CCT6B: variants seen among roughly 807,000 people sequenced by gnomAD.
CCT6B encodes the protein probable T-complex protein 1 subunit zeta-2.
Under a neutral mutation model 61.5 loss-of-function variants are expected in CCT6B, and 49 were observed. That is an observed-to-expected ratio of 0.80 (90% CI 0.63 to 1.01). The LOEUF (loss-of-function observed/expected upper bound fraction) is 1.01, where lower values mean the gene tolerates loss of function less well. Ranked by LOEUF, CCT6B falls within the 50% of genes least tolerant of loss-of-function variation. CCT6B has a pLI of 0.00. For missense variants in CCT6B, 666 were observed against 634.7 expected, an observed-to-expected ratio of 1.05 and a Z score of -0.53; for synonymous variants, 228 against 214.5, an observed-to-expected ratio of 1.06 and a Z score of -0.55.
At chr17:34,940,808 A>G (rs924375515) in intron 7 of CCT6B, among the ~76,000 whole-genome samples, 187 bp from the exon 8 acceptor site, 1 of 152,108 alleles carries the variant, frequency 6.6e-6, no homozygotes, top group Non-Finnish European at 1.5e-5. Context: ...TTATTAATTC[A>G]TTTAAATAAT....
intron 10 of CCT6B, among the ~76,000 whole-genome samples, chr17:34,936,053 C>G (rs1246366705): frequency 6.6e-6 from 1 of 152,096 alleles, no homozygotes; most frequent in Non-Finnish European, 1.5e-5. Flanking sequence ...CAGGTTCAAG[C>G]AATTCTCCTG....
intron 4 of CCT6B, among the ~76,000 whole-genome samples, chr17:34,953,970 G>A (rs1271739629): frequency 6.6e-6 from 1 of 151,906 alleles, no homozygotes; most frequent in Non-Finnish European, 1.5e-5. Context: ...ATTAATAAAA[G>A]AAATAAACTA....
In CCT6B at chr17:34,932,487, A is replaced by G; in HGVS notation, c.1227T>C (p.Pro409=). 6.2e-7 allele frequency: 1 copy of G among 1,610,682 alleles called. No individual in the cohort carries two copies. The highest frequency in any genetic ancestry group is 8.5e-7 in the Non-Finnish European group (1 of 1,178,782). The change falls in exon 11 of 14, where the codon CCT becomes CCC. Residue 409 remains proline, a synonymous_variant. Transcript: ENST00000314144. ...TTGCCACTTCAATTGCACCAGCTCC[A>G]GGAACCATACAACCTATTGGAGAGA... ...KNAIEDGCMV[P]GAGAIEVAMA...
rs1259580359 is a variant in CCT6B at position 34,942,852 on chromosome 17, C to T, written c.669G>A (p.Lys223=). The change falls in exon 6 of 14, where the codon AAG becomes AAA. Residue 223 remains lysine, a synonymous_variant. Coordinates refer to ENST00000314144, the MANE Select transcript of CCT6B (RefSeq NM_006584.4). The part of the protein sequence containing the change: ...DHGARHPDMK[K]RVEDAFILIC... The stretch of plus-strand genomic sequence containing the variant: ...TAAGGATAAATGCATCTTCTACTCG[C>T]TTCTTCATATCTGGATGACGGGCAC... 1 of 1,611,760 alleles carries T rather than the reference C, an allele frequency of 6.2e-7. No homozygotes were observed. Among genetic ancestry groups the T allele is most frequent in the African/African-American group, 1.3e-5 (1 of 74,864 alleles).
At chr17:34,934,508 C>T (rs2142139254) in intron 10 of CCT6B, among the ~76,000 whole-genome samples, 1 of 152,214 alleles carries the variant, frequency 6.6e-6, no homozygotes, top group African/African-American at 2.4e-5. Context: ...TTTACCAAAA[C>T]AGGCAGCAAA....
chr17:34,929,477 TTTTTG>T (rs1413499652), intron 12 of CCT6B, among the ~76,000 whole-genome samples: 2 of 147,882 alleles, frequency 1.4e-5, no homozygotes, highest in African/African-American at 5.0e-5. Flanking sequence ...GTGTTTTTGT[TTTTTG>T]TTTTCTTTCT....
At chr17:34,952,651 A>T (rs1021263968) in intron 4 of CCT6B, among the ~76,000 whole-genome samples, 1 of 152,224 alleles carries the variant, frequency 6.6e-6, no homozygotes, top group African/African-American at 2.4e-5. Flanking sequence ...TTATTCTGTC[A>T]CATATGACCA....
Position 34,959,641 on chromosome 17 carries a change from A to G in CCT6B, c.147T>C (p.Ser49=). 2 of 1,611,414 alleles carry G rather than the reference A, an allele frequency of 1.2e-6. No homozygotes were observed. Among genetic ancestry groups the G allele is most frequent in the Non-Finnish European group, 8.5e-7 (1 of 1,177,582 alleles). Residue 49 remains serine (S), a synonymous_variant, in exon 2 of 14, where the codon TCT becomes TCC. Coordinates refer to ENST00000314144, the MANE Select transcript of CCT6B (RefSeq NM_006584.4). Reference sequence around the variant, plus strand: ...TGGTGAGTTTGATGTCACCTGCACCAGAAACAAGCCTGTTCAGAGAAGAAT... The same window carrying G: ...TGGTGAGTTTGATGTCACCTGCACCGGAAACAAGCCTGTTCAGAGAAGAAT... ...GPKGTMKMLV[S]GAGDIKLTKD...
At chr17:34,949,264 G>A (rs1035474637) in intron 5 of CCT6B, among the ~76,000 whole-genome samples, 8 of 151,560 alleles carry the variant, frequency 5.3e-5, no homozygotes, top group Non-Finnish European at 8.9e-5. Context: ...AAGACCAGCC[G>A]GACCAACATG....
intron 13 of CCT6B, 62 bp from the exon 14 acceptor site, chr17:34,928,179 G>T: frequency 9.5e-7 from 1 of 1,056,184 alleles, no homozygotes; most frequent in Non-Finnish European, 1.4e-6. Context: ...TTTTTCCCCA[G>T]CAATCTTTAC....
chr17:34,959,106 A>G (rs1240278857), intron 2 of CCT6B, among the ~76,000 whole-genome samples: 1 of 144,972 alleles, frequency 6.9e-6, no homozygotes, highest in African/African-American at 2.5e-5. Flanking sequence ...AGACTTGGAA[A>G]CAGCCAAAAA....
intron 3 of CCT6B, among the ~76,000 whole-genome samples, chr17:34,955,397 G>A (rs1039104874): frequency 2.0e-5 from 3 of 151,918 alleles, no homozygotes; most frequent in Non-Finnish European, 4.4e-5. Flanking sequence ...TAATTCCCTG[G>A]TTTTAAGAAA....
intron 3 of CCT6B, among the ~76,000 whole-genome samples, chr17:34,958,320 T>G (rs2090371265): frequency 6.6e-6 from 1 of 152,132 alleles, no homozygotes; most frequent in Non-Finnish European, 1.5e-5. Context: ...GGCGCATGCC[T>G]GTAATCCCAG....
intron 12 of CCT6B, among the ~76,000 whole-genome samples, chr17:34,930,493 C>T (rs1231460481): frequency 6.6e-6 from 1 of 152,050 alleles, no homozygotes; most frequent in East Asian, 1.9e-4. Context: ...TGGCTAATTT[C>T]CTCACTTCCT....
chr17:34,945,781 C>T (rs2142160482), intron 5 of CCT6B, among the ~76,000 whole-genome samples: 1 of 152,246 alleles, frequency 6.6e-6, no homozygotes, highest in Middle Eastern at 3.4e-3. Flanking sequence ...ACTAAACATG[C>T]TGGCTTAAAA....
At chr17:34,934,560 G>A (rs541567137) in intron 10 of CCT6B, among the ~76,000 whole-genome samples, 5 of 152,124 alleles carry the variant, frequency 3.3e-5, no homozygotes, top group Non-Finnish European at 7.4e-5. Flanking sequence ...TCCTAACTTA[G>A]ATGAAGTGGA....
Position 34,958,681 on chromosome 17 carries a change from G to C in CCT6B, c.215C>G (p.Pro72Arg). Residue 72 changes from proline to arginine, a missense_variant, in exon 3 of 14, where the codon CCA becomes CGA. Coordinates refer to ENST00000314144, the MANE Select transcript of CCT6B (RefSeq NM_006584.4). ...VLLDEMQIQH[P>R]TASLIAKVAT... Reference sequence around the variant, plus strand: ...TACTTTTGCTATCAAGGAAGCTGTTGGATGTTGAATTTGCTGGAAAAAGCA... The same window carrying C: ...TACTTTTGCTATCAAGGAAGCTGTTCGATGTTGAATTTGCTGGAAAAAGCA... The C allele has an allele frequency of 6.3e-7, 1 of 1,595,332 alleles. No homozygotes were observed. The highest frequency in any genetic ancestry group is 8.5e-7 in the Non-Finnish European group (1 of 1,171,670).
intron 5 of CCT6B, among the ~76,000 whole-genome samples, chr17:34,947,521 C>T (rs957269918): frequency 2.0e-5 from 3 of 152,092 alleles, no homozygotes; most frequent in African/African-American, 7.2e-5. Context: ...AAACTAACTG[C>T]CAACCTAGTA....
At chr17:34,954,857 G>C (rs2090331439) in intron 3 of CCT6B, among the ~76,000 whole-genome samples, 2 of 152,098 alleles carry the variant, frequency 1.3e-5, no homozygotes, top group African/African-American at 2.4e-5. Flanking sequence ...GTTGTTATGT[G>C]GTGCCCTTCT....
Sources: gnomAD v4.1 joint callset for allele counts (sites outside exome capture counted in the v4.1 genomes callset) on GRCh38, gnomAD v4.1.1 for gene constraint, MANE v1.5 for transcripts, NCBI Gene and HGNC (gene_info 2026-07-23, HGNC 2026-07-21) for gene names.